PNPO: variants seen among roughly 807,000 people sequenced by gnomAD.
PNPO encodes the protein pyridoxamine 5'-phosphate oxidase.
A neutral mutation model predicts 35.0 loss-of-function variants in PNPO; 39 were observed. That is an observed-to-expected ratio of 1.11 (90% confidence interval 0.86 to 1.45). PNPO has a LOEUF of 1.45. PNPO is among the 40% of genes most tolerant of loss of function. The pLI, the probability that PNPO is intolerant of heterozygous loss-of-function variation, is 0.00. For synonymous variants in PNPO, 115 were observed against 119.8 expected (o/e 0.96, Z 0.26); for missense variants, 288 against 340.0 (o/e 0.85, Z 1.20).
Position 47,941,799 on chromosome 17 carries a change from C to T in PNPO, c.124C>T (p.Arg42Cys), listed in dbSNP as rs1291472865. ...CCTGGGACCCATGCGCAAGAGTTACCGCGGGGACCGAGAGGTGCCGCCGCT... is the reference window on the plus strand; with the variant it reads ...CCTGGGACCCATGCGCAAGAGTTACTGCGGGGACCGAGAGGTGCCGCCGCT... ...MDLGPMRKSY[R>C]GDREAFEETH... The change falls in exon 1 of 7, where the codon CGC becomes TGC. Residue 42 changes from arginine to cysteine, a missense_variant. Physicochemically the swap from Arg to Cys is radical, Grantham distance 180. Transcript: ENST00000642017. 7.7e-6 allele frequency: 12 copies of T among 1,568,264 alleles called. No individual in the cohort carries two copies. The highest frequency in any genetic ancestry group is 9.5e-6 in the Non-Finnish European group (11 of 1,155,760).
chr17:47,946,832 G>A lies in PNPO; in HGVS notation c.*50G>A, dbSNP rs2036017933. 1 of 1,580,432 alleles carries A rather than the reference G, an allele frequency of 6.3e-7. No homozygotes were observed. The highest frequency in any genetic ancestry group is 1.1e-5 in the South Asian group (1 of 90,354). On this transcript the variant is annotated 3_prime_UTR_variant, in exon 7 of 7. Transcript: ENST00000642017. ...GGAGCTAGGGCTAGGTGTCAAGAGA[G>A]GGTGTGGGATTGGGACCCAGGCCCT... is the stretch of plus-strand genomic sequence containing the variant.
At chr17:47,944,944 C>T (rs1471938289) in intron 3 of PNPO, 4 of 587,932 alleles carry the variant, frequency 6.8e-6, no homozygotes, top group Non-Finnish European at 1.2e-5. Flanking sequence ...CAGATCTCAG[C>T]CCACATGTTA....
intron 1 of PNPO, among the ~76,000 whole-genome samples, chr17:47,942,447 G>A (rs1294721240): frequency 1.3e-5 from 2 of 152,166 alleles, no homozygotes; most frequent in Non-Finnish European, 2.9e-5. Flanking sequence ...CATGGTCATG[G>A]GCCCCTCTTT....
Position 47,941,691 on chromosome 17 carries a change from C to T in PNPO, c.16C>T (p.Arg6Trp), listed in dbSNP as rs765997859. 1 of 1,538,956 alleles carries T rather than the reference C, an allele frequency of 6.5e-7. No individual in the cohort carries two copies. Among genetic ancestry groups the T allele is most frequent in the Non-Finnish European group, 8.8e-7 (1 of 1,139,456 alleles). ...GCGGCCCCCCATGACGTGCTGGCTG[C>T]GGGGCGTCACGGCGACGTTCGGGCG... MTCWL[R>W]GVTATFGRPA... Residue 6 changes from arginine (R) to tryptophan (W), a missense_variant, in exon 1 of 7, where the codon CGG (arginine) becomes TGG (tryptophan). Arg to Trp is a moderately radical substitution (Grantham distance 101). Transcript: ENST00000642017.
rs1389481167 is a variant in PNPO, at chr17:47,945,588, C to T, written c.393C>T (p.Phe131=). 4 of 1,613,420 alleles carry T rather than the reference C, an allele frequency of 2.5e-6. No homozygotes were observed. The highest frequency in any genetic ancestry group is 1.3e-5 in the African/African-American group (1 of 74,916). The part of the protein sequence containing the change: ...LDSNPFASLV[F]YWEPLNRQVR... ...CTAATCCCTTTGCTTCCCTTGTCTTCTACTGGGAGCCACTTAACCGTCAGG... is the reference window on the plus strand; with the variant it reads ...CTAATCCCTTTGCTTCCCTTGTCTTTTACTGGGAGCCACTTAACCGTCAGG... Residue 131 remains phenylalanine (F), a synonymous_variant, in exon 4 of 7, where the codon TTC becomes TTT. Transcript: ENST00000642017. The surrounding 1 kb of genome is among the most constrained non-coding windows in gnomAD (Gnocchi z 4.0).
Position 47,946,773 on chromosome 17 carries a change from T to C in PNPO, c.777T>C (p.Leu259=), listed in dbSNP as rs142461702. The C allele has an allele frequency of 1.3e-4, 217 of 1,613,980 alleles. No homozygotes were observed. The highest frequency in any genetic ancestry group is 1.7e-4 in the Non-Finnish European group (203 of 1,180,020). The change falls in exon 7 of 7, where the codon CTT becomes CTC. Residue 259 remains leucine, a synonymous_variant. Coordinates refer to ENST00000642017, the MANE Select transcript of PNPO (RefSeq NM_018129.4). ...RGEEDWLYER[L]AP ...AGGAAGACTGGCTCTATGAGAGACT[T>C]GCACCTTAACTCTGGGACCTGCTGG...
chr17:47,944,719 G>C lies in PNPO; in HGVS notation c.363+4G>C. On this transcript the variant is annotated splice_donor_region_variant and intron_variant, in intron 3 of 6. Transcript: ENST00000642017. Reference sequence around the variant, plus strand: ...GAGTCGAAAAGGAAAAGAGCTGGTGGGTGAAAAGAGCTAGTAATCTTTCCC... The same window carrying C: ...GAGTCGAAAAGGAAAAGAGCTGGTGCGTGAAAAGAGCTAGTAATCTTTCCC... 1.2e-6 allele frequency: 2 copies of C among 1,610,038 alleles called. No homozygotes were observed. Among genetic ancestry groups the C allele is most frequent in the South Asian group, 1.1e-5 (1 of 91,004 alleles).
In PNPO at chr17:47,941,643, G is replaced by A. The variant is rs2035934902; in HGVS notation, c.-33G>A. 2 of 1,513,382 alleles carry A rather than the reference G, an allele frequency of 1.3e-6. No homozygotes were observed. Among genetic ancestry groups the A allele is most frequent in the East Asian group, 5.0e-5 (2 of 40,054 alleles). 93.7% of individuals were successfully genotyped at this position (1,513,382 alleles called of 1,614,324 possible). A position where few individuals can be genotyped will look rare whatever the true frequency, so the allele number is the denominator to read the frequency against. On this transcript the variant is annotated 5_prime_UTR_variant, in exon 1 of 7. Coordinates refer to ENST00000642017, the MANE Select transcript of PNPO (RefSeq NM_018129.4). ...CGAACTCAAAGGAACCCAGTGCCGGGCCACAGCCGGGTCACGTGGCCGGCG... is the reference window on the plus strand; with the variant it reads ...CGAACTCAAAGGAACCCAGTGCCGGACCACAGCCGGGTCACGTGGCCGGCG...
intron 2 of PNPO, 45 bp downstream of exon 2, chr17:47,943,475 T>C (rs1413604549): frequency 1.2e-6 from 2 of 1,608,638 alleles, no homozygotes; most frequent in African/African-American, 1.3e-5. Context: ...ACATATGAAC[T>C]AGGAAGCTTA....
intron 6 of PNPO, 32 bp downstream of exon 6, chr17:47,946,425 G>A: frequency 6.5e-7 from 1 of 1,540,040 alleles, no homozygotes; most frequent in Non-Finnish European, 9.0e-7. Flanking sequence ...TCTAGAAAGG[G>A]ACACCAGGCC....
Position 47,946,054 on chromosome 17 carries a change from CCCAGGAGATG to C in PNPO, c.546+76_546+85del, listed in dbSNP as rs1026353853. ...CTTTGGCTTATCCCCAGAAGCTGTC[CCCAGGAGATG>C]CCAGGAGATGTCCCCAGGAGATGTC... On this transcript the variant is annotated intron_variant, in intron 5 of 6. Coordinates refer to ENST00000642017, the MANE Select transcript of PNPO (RefSeq NM_018129.4). The C allele has an allele frequency of 7.5e-6, 12 of 1,590,888 alleles. No individual in the cohort carries two copies. The African/African-American group carries it at 8.1e-5, about 11-fold the overall frequency.
In PNPO at chr17:47,946,812, T is replaced by C. The variant is rs1338789994; in HGVS notation, c.*30T>C. ...GGGACCTGCTGGCCCAGAGTGGAGC[T>C]AGGGCTAGGTGTCAAGAGAGGGTGT... On this transcript the variant is annotated 3_prime_UTR_variant, in exon 7 of 7. Transcript: ENST00000642017. 6.2e-7 allele frequency: 1 copy of C among 1,607,712 alleles called. No homozygotes were observed. Among genetic ancestry groups the C allele is most frequent in the Non-Finnish European group, 8.5e-7 (1 of 1,175,376 alleles).
rs974017030 is a variant in PNPO at position 47,941,932 on chromosome 17, G to A, written c.138+119G>A. 25 of 1,380,448 alleles carry A rather than the reference G, an allele frequency of 1.8e-5. No homozygotes were observed. The African/African-American group carries it at 3.5e-4, about 19-fold the overall frequency. 85.5% of individuals were successfully genotyped at this position (1,380,448 alleles called of 1,614,324 possible). ...GGGGCTTCTGGGGCCACCCGGTGGG[G>A]CAAGGAGGTTTGAGGATCACCCCCC... On this transcript the variant is annotated intron_variant, in intron 1 of 6. Coordinates refer to ENST00000642017, the MANE Select transcript of PNPO (RefSeq NM_018129.4).
rs1240350167 is a variant in PNPO at position 47,941,654 on chromosome 17, G to A, written c.-22G>A. On this transcript the variant is annotated 5_prime_UTR_variant, in exon 1 of 7. Transcript: ENST00000642017. ...GAACCCAGTGCCGGGCCACAGCCGG[G>A]TCACGTGGCCGGCGGCCCCCCATGA... 1.3e-6 allele frequency: 2 copies of A among 1,521,532 alleles called. No homozygotes were observed. The highest frequency in any genetic ancestry group is 1.8e-6 in the Non-Finnish European group (2 of 1,127,158). 94.3% of individuals were successfully genotyped at this position (1,521,532 alleles called of 1,614,324 possible).
At position 47,944,481 on chromosome 17, in the gene PNPO, A is replaced by T; in HGVS notation, c.264-135A>T. The T allele has an allele frequency of 3.8e-6, 3 of 780,148 alleles. No individual in the cohort carries two copies. In the South Asian group the frequency reaches 4.1e-5, roughly 11 times the overall value. 48.3% of individuals were successfully genotyped at this position (780,148 alleles called of 1,614,324 possible). ...CTCTAGGACAAATCCCCAGGAGCAC[A>T]TGGGACGGGGTAGCCTGACAGCCCA... On this transcript the variant is annotated intron_variant, in intron 2 of 6. Coordinates refer to ENST00000642017, the MANE Select transcript of PNPO (RefSeq NM_018129.4).
intron 2 of PNPO, among the ~76,000 whole-genome samples, chr17:47,944,315 C>A (rs149279355): frequency 8.9e-4 from 135 of 151,984 alleles, no homozygotes; most frequent in African/African-American, 3.0e-3. Context: ...GGGCCCCACC[C>A]CTATGACCTT....
chr17:47,944,297 C>T (rs1232415562), intron 2 of PNPO, among the ~76,000 whole-genome samples: 1 of 151,622 alleles, frequency 6.6e-6, no homozygotes, highest in Admixed American at 6.6e-5. Context: ...ACCAGTCCTA[C>T]TGGATTAGGG....
chr17:47,947,129 T>C lies in PNPO; in HGVS notation c.*347T>C, dbSNP rs529271805. 3.8e-5 allele frequency: 12 copies of C among 319,308 alleles called. No homozygotes were observed. The Admixed American group carries it at 4.3e-4, about 12-fold the overall frequency. 19.8% of individuals were successfully genotyped at this position (319,308 alleles called of 1,614,324 possible). ...GCCCCAGCAGCCCTGTCTGTTACCA[T>C]GTGAGTCATACTGGCCAAAGCTTAG... is the stretch of plus-strand genomic sequence containing the variant. On this transcript the variant is annotated 3_prime_UTR_variant, in exon 7 of 7. Transcript: ENST00000642017.
chr17:47,946,166 C>A, intron 5 of PNPO, 157 bp from the exon 6 acceptor site: 2 of 1,002,288 alleles, frequency 2.0e-6, no homozygotes, highest in African/African-American at 1.6e-5. Context: ...GGGAAATAGG[C>A]CTCCTCTGTC....
Sources: gnomAD v4.1 joint callset for allele counts (sites outside exome capture counted in the v4.1 genomes callset) on GRCh38, gnomAD v4.1.1 for gene constraint, Gnocchi (gnomAD v3.1) non-coding constraint, MANE v1.5 for transcripts, NCBI Gene and HGNC (gene_info 2026-07-23, HGNC 2026-07-21) for gene names.